MED13L: variants seen among roughly 807,000 people sequenced by gnomAD.
MED13L encodes mediator complex subunit 13L.
In MED13L, 7 loss-of-function variants were observed where a neutral mutation model predicts 220.9. That is an observed-to-expected ratio of 0.03 (90% CI 0.02 to 0.06). The LOEUF (loss-of-function observed/expected upper bound fraction) is 0.06. Among genes scored for constraint, MED13L ranks in the 10% least tolerant of loss-of-function variants. MED13L has a pLI of 1.00. For synonymous variants in MED13L, 1,011 were observed against 1,015.2 expected (o/e 1.00, Z 0.08); for missense variants, 1,965 against 2,760.5 (o/e 0.71, Z 6.46).
At chr12:116,054,780 G>C (rs1451368466) in intron 4 of MED13L, among the ~76,000 whole-genome samples, 1 of 152,172 alleles carries the variant, frequency 6.6e-6, no homozygotes, top group Admixed American at 6.5e-5. Flanking sequence ...CAGCCAGTTT[G>C]GAAAATTGCT....
intron 2 of MED13L, among the ~76,000 whole-genome samples, chr12:116,115,323 C>T (rs1275931102): frequency 6.6e-6 from 1 of 151,862 alleles, no homozygotes; most frequent in Non-Finnish European, 1.5e-5. Context: ...AGAAAAAGAA[C>T]CTCAAACCAT....
Position 115,980,828 on chromosome 12 carries a change from C to T in MED13L, c.5286G>A (p.Leu1762=), listed in dbSNP as rs1444648129. The part of the protein sequence containing the change: ...FSVYCQCRRP[L]PTQIHIKSLT... ...GGGATTTAATGTGGATCTGTGTAGG[C>T]AGTGGTCGCCTGCACTGGCAGTACA... The change falls in exon 23 of 31, where the codon CTG becomes CTA. Residue 1762 remains leucine (L), a synonymous_variant. Transcript: ENST00000281928. 2 of 1,602,060 alleles carry T rather than the reference C, an allele frequency of 1.2e-6. No individual in the cohort carries two copies. Among genetic ancestry groups the T allele is most frequent in the Admixed American group, 1.7e-5 (1 of 58,854 alleles).
At chr12:115,962,476 C>T (rs1051521075) in intron 30 of MED13L, among the ~76,000 whole-genome samples, 10 of 152,110 alleles carry the variant, frequency 6.6e-5, no homozygotes, top group Admixed American at 2.0e-4. Context: ...AAGGCATGGA[C>T]GGGGGTTGGG....
At chr12:116,039,319 T>C (rs1343617861) in intron 4 of MED13L, among the ~76,000 whole-genome samples, 1 of 152,176 alleles carries the variant, frequency 6.6e-6, no homozygotes, top group East Asian at 1.9e-4. Context: ...TGTTGCAAAA[T>C]GTCTTACTCA....
chr12:116,199,378 G>C (rs574769870), intron 2 of MED13L, among the ~76,000 whole-genome samples: 1 of 152,296 alleles, frequency 6.6e-6, no homozygotes, highest in South Asian at 2.1e-4. Context: ...AAGTGATACA[G>C]CACACTTCAC....
At chr12:116,030,595 C>A (rs1046220181) in intron 4 of MED13L, among the ~76,000 whole-genome samples, 3 of 152,002 alleles carry the variant, frequency 2.0e-5, no homozygotes, top group Non-Finnish European at 2.9e-5. Context: ...CAAGATAAAA[C>A]TTCTTTTTTG....
intron 2 of MED13L, among the ~76,000 whole-genome samples, chr12:116,124,184 G>C (rs1219157581): frequency 6.6e-6 from 1 of 150,390 alleles, no homozygotes; most frequent in South Asian, 2.1e-4. Context: ...GAGACAGAGA[G>C]AGACAGAGAC....
chr12:116,030,567 A>T (rs1347735494), intron 4 of MED13L, among the ~76,000 whole-genome samples: 1 of 152,168 alleles, frequency 6.6e-6, no homozygotes, highest in Non-Finnish European at 1.5e-5. Context: ...AATAGGAAAA[A>T]GCAACAGAAA....
At chr12:116,102,389 C>T (rs950449829) in intron 3 of MED13L, among the ~76,000 whole-genome samples, 3 of 152,154 alleles carry the variant, frequency 2.0e-5, no homozygotes, top group African/African-American at 7.2e-5. Flanking sequence ...TTTCTGTGCC[C>T]TTCAAATTAT....
intron 2 of MED13L, among the ~76,000 whole-genome samples, chr12:116,214,892 G>A (rs753651494): frequency 4.6e-5 from 7 of 152,090 alleles, no homozygotes; most frequent in Non-Finnish European, 1.0e-4. Flanking sequence ...ACTTTCATTG[G>A]ACTGATAAAT....
rs1419391751 is a variant in MED13L at position 116,111,153 on chromosome 12, T to C, written c.395+275A>G. ...TTAAGGGTAAAAAAGAACATCAATC[T>C]TGAGTTTACAAATATGCAAATGATT... is the stretch of plus-strand genomic sequence containing the variant. On this transcript the variant is annotated intron_variant, in intron 3 of 30. Transcript: ENST00000281928. Among the ~76,000 whole-genome samples the C allele has an allele frequency of 3.9e-5, 6 of 152,138 alleles. No homozygotes were observed. In the East Asian group the frequency reaches 9.6e-4, roughly 24 times the overall value.
intron 4 of MED13L, among the ~76,000 whole-genome samples, chr12:116,033,858 C>T (rs573391283): frequency 5.9e-5 from 9 of 152,132 alleles, no homozygotes; most frequent in Non-Finnish European, 1.2e-4. Context: ...CTAAACACAA[C>T]ATAAACCTAT....
chr12:116,189,225 GTTCACTGT>G (rs1272320713), intron 2 of MED13L, among the ~76,000 whole-genome samples: 1 of 150,510 alleles, frequency 6.6e-6, no homozygotes, highest in African/African-American at 2.4e-5. Context: ...TGTAATGATA[GTTCACTGT>G]AGTTTTAAAT....
intron 1 of MED13L, among the ~76,000 whole-genome samples, chr12:116,260,278 A>G (rs560607465): frequency 1.1e-4 from 16 of 152,342 alleles, no homozygotes; most frequent in Admixed American, 3.3e-4. Flanking sequence ...CGCTGTGCCA[A>G]TAAGTGCACT....
intron 9 of MED13L, 84 bp from the exon 10 acceptor site, chr12:116,009,216 T>G: frequency 7.4e-7 from 1 of 1,359,468 alleles, no homozygotes; most frequent in South Asian, 1.2e-5. Context: ...AAGCATACAT[T>G]AGATGTACTA....
At chr12:116,017,778 G>C (rs925519369) in intron 7 of MED13L, among the ~76,000 whole-genome samples, 4 of 152,016 alleles carry the variant, frequency 2.6e-5, no homozygotes, top group African/African-American at 9.7e-5. Context: ...ACCATGCATA[G>C]CTCATTTTTG....
At chr12:116,110,582 C>T (rs1873995856) in intron 3 of MED13L, among the ~76,000 whole-genome samples, 1 of 152,080 alleles carries the variant, frequency 6.6e-6, no homozygotes, top group Admixed American at 6.6e-5. Flanking sequence ...ATTATACAAT[C>T]TCATTGTATC....
At chr12:116,016,995 G>A (rs1442280290) in intron 7 of MED13L, among the ~76,000 whole-genome samples, 1 of 152,110 alleles carries the variant, frequency 6.6e-6, no homozygotes, top group Admixed American at 6.5e-5. Flanking sequence ...AAGGCTGACC[G>A]GGATACTCTC....
rs776066998 is a variant in MED13L at position 115,968,965 on chromosome 12, A to G, written c.6200T>C (p.Val2067Ala). 1 of 1,614,088 alleles carries G rather than the reference A, an allele frequency of 6.2e-7. No individual in the cohort carries two copies. The highest frequency in any genetic ancestry group is 1.7e-5 in the Admixed American group (1 of 60,006). Reference sequence around the variant, plus strand: ...CCGACTATGCTGGAAGTGAGAGCCCACACCAATTCCAGAAGGAGAGCCTGG... The same window carrying G: ...CCGACTATGCTGGAAGTGAGAGCCCGCACCAATTCCAGAAGGAGAGCCTGG... ...PSPGSPSGIG[V>A]GSHFQHSRSQ... The change falls in exon 28 of 31, where the codon GTG becomes GCG. Residue 2067 changes from valine (V) to alanine (A), a missense_variant. Transcript: ENST00000281928.
Sources: allele counts gnomAD v4.1 joint callset (sites outside exome capture counted in the v4.1 genomes callset), GRCh38; gene constraint gnomAD v4.1.1; transcripts MANE v1.5; gene names NCBI Gene and HGNC (gene_info 2026-07-23, HGNC 2026-07-21).